The following DOCK4 variants were observed in gnomAD, a reference collection of about 807,000 sequenced individuals.
DOCK4 encodes dedicator of cytokinesis 4.
In DOCK4, 97 loss-of-function variants were observed where a neutral mutation model predicts 268.1. The observed-to-expected ratio is 0.36, with a 90% CI of 0.31 to 0.43. The LOEUF is 0.43. DOCK4 is among the 20% of genes least tolerant of loss of function. The pLI is 1.00. For synonymous variants in DOCK4, 954 were observed against 887.2 expected (o/e 1.08, Z -1.34); for missense variants, 2,145 against 2,455.7 (o/e 0.87, Z 2.67).
intron 36 of DOCK4, among the ~76,000 whole-genome samples, chr7:111,775,416 C>A (rs1324682587): frequency 6.6e-6 from 1 of 152,204 alleles, no homozygotes; most frequent in Non-Finnish European, 1.5e-5. Context: ...TCCACCCTAT[C>A]TCTCCCACTG....
At chr7:111,939,618 T>C (rs1456259168) in intron 11 of DOCK4, among the ~76,000 whole-genome samples, 1 of 152,040 alleles carries the variant, frequency 6.6e-6, no homozygotes, top group African/African-American at 2.4e-5. Flanking sequence ...ATCGCCGAGA[T>C]AGGATTGCAA....
Position 111,735,107 on chromosome 7 carries a change from G to A in DOCK4, c.5366C>T (p.Ser1789Leu), listed in dbSNP as rs769731508. The A allele has an allele frequency of 1.6e-5, 25 of 1,602,354 alleles. No individual in the cohort carries two copies. Among genetic ancestry groups the A allele is most frequent in the African/African-American group, 5.3e-5 (4 of 74,790 alleles). Residue 1789 changes from serine to leucine, a missense_variant, in exon 51 of 53, where the codon TCG becomes TTG. By Grantham distance (145) the Ser-to-Leu change is moderately radical. Around this residue, in one of 2 missense-constraint regions of DOCK4, gnomAD observed 547 missense variants for 469.0 expected, o/e 1.17. Coordinates refer to ENST00000428084, the MANE Select transcript of DOCK4 (RefSeq NM_001363540.2). ...LDSGKEAKNMSDSGKLISPPV... is the reference protein window; with the variant it reads ...LDSGKEAKNMLDSGKLISPPV... ...GGGAGAGATAAGTTTCCCACTATCC[G>A]ACATGTTCTTGGCTTCCTTCCCACT...
intron 1 of DOCK4, among the ~76,000 whole-genome samples, chr7:112,121,569 C>T (rs1812730020): frequency 6.6e-6 from 1 of 152,198 alleles, no homozygotes; most frequent in Admixed American, 6.5e-5. Context: ...CTAGGCTTCC[C>T]ACCTACATTA....
At chr7:112,074,097 G>A (rs1807848999) in intron 1 of DOCK4, among the ~76,000 whole-genome samples, 2 of 152,148 alleles carry the variant, frequency 1.3e-5, no homozygotes, top group Non-Finnish European at 2.9e-5. Context: ...TGACTACTGT[G>A]TAATAAGCCT....
chr7:112,151,206 GGGCTTT>G (rs1404426982), intron 1 of DOCK4, among the ~76,000 whole-genome samples: 2 of 152,108 alleles, frequency 1.3e-5, no homozygotes, highest in Non-Finnish European at 2.9e-5. Context: ...TTAACGCCTG[GGGCTTT>G]GGCATCAGAA....
chr7:111,746,694 T>C (rs142812950), intron 43 of DOCK4, among the ~76,000 whole-genome samples: 136 of 152,258 alleles, frequency 8.9e-4, no homozygotes, highest in Middle Eastern at 3.4e-3. Flanking sequence ...TAAAACAAAC[T>C]GCCTTAAGAT....
At position 111,843,958 on chromosome 7, in the gene DOCK4, C is replaced by A. The variant is rs370553688; in HGVS notation, c.2736+805G>T. On this transcript the variant is annotated intron_variant, in intron 25 of 52. Coordinates refer to ENST00000428084, the MANE Select transcript of DOCK4 (RefSeq NM_001363540.2). Reference sequence around the variant, plus strand: ...ATAAGCAGTTTTTAATTGCAGAAAGCCAGCTTCAAAGCACTTTAAAATTTG... The same window carrying A: ...ATAAGCAGTTTTTAATTGCAGAAAGACAGCTTCAAAGCACTTTAAAATTTG... 1.4e-4 allele frequency among the ~76,000 whole-genome samples: 21 copies of A among 152,190 alleles called. 1 individual carries two copies. Among genetic ancestry groups the A allele is most frequent in the East Asian group, 9.7e-4 (5 of 5,178 alleles).
At chr7:112,163,130 T>C (rs1056954832) in intron 1 of DOCK4, among the ~76,000 whole-genome samples, 5 of 152,246 alleles carry the variant, frequency 3.3e-5, no homozygotes, top group African/African-American at 7.2e-5. Context: ...AGCTAGTTAT[T>C]AGGAATGACT....
At chr7:111,757,835 A>T (rs1035843680) in intron 41 of DOCK4, among the ~76,000 whole-genome samples, 27 of 152,160 alleles carry the variant, frequency 1.8e-4, no homozygotes, top group Admixed American at 1.7e-3. Context: ...AAGCCAATTA[A>T]CTCACAAAAA....
At chr7:111,747,935 A>G (rs11971917) in intron 42 of DOCK4, among the ~76,000 whole-genome samples, 145,946 of 152,192 alleles carry the variant, frequency 0.96, 70,005 homozygotes, top group Middle Eastern at 0.98. Flanking sequence ...AACCTCATAT[A>G]TATATATAAC....
intron 1 of DOCK4, among the ~76,000 whole-genome samples, chr7:112,085,981 A>G (rs927250728): frequency 1.3e-5 from 2 of 152,116 alleles, no homozygotes; most frequent in African/African-American, 4.8e-5. Context: ...GCTGTATAGG[A>G]TATTAATTCT....
intron 10 of DOCK4, among the ~76,000 whole-genome samples, chr7:111,941,881 C>A (rs76850236): frequency 6.6e-6 from 1 of 152,068 alleles, no homozygotes; most frequent in East Asian, 1.9e-4. Context: ...CACTCTCCAA[C>A]AAGGATTTTG....
intron 39 of DOCK4, 118 bp downstream of exon 39, chr7:111,764,999 TA>T (rs1563472501): frequency 6.2e-6 from 3 of 481,904 alleles, no homozygotes; most frequent in East Asian, 3.5e-5. Context: ...AGTAAAAGTT[TA>T]AAAAAAGTCT....
chr7:112,080,927 G>C (rs1808523040), intron 1 of DOCK4, among the ~76,000 whole-genome samples: 1 of 152,128 alleles, frequency 6.6e-6, no homozygotes, highest in African/African-American at 2.4e-5. Context: ...GATTTGTGGG[G>C]TATGAGGAAT....
intron 16 of DOCK4, among the ~76,000 whole-genome samples, chr7:111,880,045 AC>A (rs1419199343): frequency 2.6e-5 from 4 of 152,208 alleles, no homozygotes; most frequent in Non-Finnish European, 4.4e-5. Flanking sequence ...AAATTCCCAA[AC>A]CTAGAGAAAG....
chr7:112,033,769 C>T (rs1365892564), intron 1 of DOCK4, among the ~76,000 whole-genome samples: 1 of 152,180 alleles, frequency 6.6e-6, no homozygotes, highest in East Asian at 1.9e-4. Context: ...AAATCTGAGC[C>T]ACTACATTCC....
At chr7:111,732,757 C>G (rs1016410488) in intron 51 of DOCK4, among the ~76,000 whole-genome samples, 3 of 152,310 alleles carry the variant, frequency 2.0e-5, no homozygotes, top group East Asian at 1.9e-4. Flanking sequence ...TCAGCTCCCC[C>G]CAAACAACCC....
At chr7:111,831,020 C>A (rs577916004) in intron 26 of DOCK4, among the ~76,000 whole-genome samples, 1 of 152,160 alleles carries the variant, frequency 6.6e-6, no homozygotes, top group South Asian at 2.1e-4. Context: ...CACATTTACT[C>A]CCATGATGTC....
chr7:112,034,991 C>A (rs1471066845), intron 1 of DOCK4, among the ~76,000 whole-genome samples: 1 of 152,150 alleles, frequency 6.6e-6, no homozygotes, highest in Non-Finnish European at 1.5e-5. Context: ...GAGGAAGTTT[C>A]TCATGATGTG....
Sources: allele counts gnomAD v4.1 joint callset (sites outside exome capture counted in the v4.1 genomes callset), GRCh38; gene constraint gnomAD v4.1.1; regional missense constraint gnomAD v4.1.1; transcripts MANE v1.5; gene names NCBI Gene and HGNC (gene_info 2026-07-23, HGNC 2026-07-21).